The following ABCA12 variants were observed in gnomAD, a reference collection of about 807,000 sequenced individuals.
ABCA12 encodes glucosylceramide transporter ABCA12.
A neutral mutation model predicts 293.5 loss-of-function variants in ABCA12; 156 were observed. The ratio of observed to expected loss-of-function variants is 0.53; its 90% CI spans 0.47 to 0.61. The LOEUF is 0.61. ABCA12 is among the 20% of genes least tolerant of loss of function. ABCA12 has a pLI of 0.00. For missense variants in ABCA12, 2,797 were observed against 3,090.2 expected, an observed-to-expected ratio of 0.91 and a Z score of 2.25; for synonymous variants, 1,063 against 1,108.0, an observed-to-expected ratio of 0.96 and a Z score of 0.81.
intron 2 of ABCA12, among the ~76,000 whole-genome samples, chr2:215,072,836 C>T (rs1055407368): frequency 6.6e-6 from 1 of 152,214 alleles, no homozygotes; most frequent in Non-Finnish European, 1.5e-5. Flanking sequence ...GTGGCTCACG[C>T]CTGTAATCCC....
intron 1 of ABCA12, among the ~76,000 whole-genome samples, chr2:215,134,597 C>A (rs752351910): frequency 0.03 from 2,513 of 82,916 alleles, 349 homozygotes; most frequent in African/African-American, 0.17. Context: ...CTCTCTCTCT[C>A]TCTATATATA....
Position 214,932,561 on chromosome 2 carries a change from A to C in ABCA12, c.*73T>G. The C allele has an allele frequency of 1.9e-6, 2 of 1,067,912 alleles. No individual in the cohort carries two copies. The highest frequency in any genetic ancestry group is 2.9e-6 in the Non-Finnish European group (2 of 691,326). 66.2% of individuals were successfully genotyped at this position (1,067,912 alleles called of 1,614,324 possible). A position where few individuals can be genotyped will look rare whatever the true frequency, so the allele number is the denominator to read the frequency against. On this transcript the variant is annotated 3_prime_UTR_variant, in exon 53 of 53. Coordinates refer to ENST00000272895, the MANE Select transcript of ABCA12 (RefSeq NM_173076.3). ...ACTTTAAAATGAAGATATCTTGCGG[A>C]AGTGTATCTTCTGTGGCTTTTCTTC...
At chr2:214,961,058 AG>A (rs1313306400) in intron 39 of ABCA12, among the ~76,000 whole-genome samples, 1 of 152,108 alleles carries the variant, frequency 6.6e-6, no homozygotes, top group African/African-American at 2.4e-5. Flanking sequence ...AGTGTGTTAG[AG>A]GGAGGCAGTG....
intron 11 of ABCA12, chr2:215,023,126 T>C (rs1326477239): frequency 1.3e-5 from 2 of 152,190 alleles, no homozygotes; most frequent in African/African-American, 4.8e-5. Context: ...TAACTGATGG[T>C]CACAAGCATG....
chr2:215,030,997 C>T (rs2106029692), intron 9 of ABCA12, among the ~76,000 whole-genome samples: 1 of 152,252 alleles, frequency 6.6e-6, no homozygotes, highest in East Asian at 1.9e-4. Flanking sequence ...ACCTAACAGG[C>T]AGGCCATCTC....
chr2:215,134,009 C>T (rs1703118955), intron 1 of ABCA12, among the ~76,000 whole-genome samples: 1 of 151,852 alleles, frequency 6.6e-6, no homozygotes, highest in African/African-American at 2.4e-5. Context: ...AAAATTAAGT[C>T]AGTTAGATAT....
At chr2:215,017,805 G>C (rs6435868) in intron 14 of ABCA12, 2 of 639,006 alleles carry the variant, frequency 3.1e-6, no homozygotes, top group Admixed American at 6.0e-5. Context: ...AAAATAAAGA[G>C]AAAAGGGACA....
At chr2:214,974,113 A>T in intron 35 of ABCA12, 71 bp from the exon 36 acceptor site, 3 of 1,358,510 alleles carry the variant, frequency 2.2e-6, no homozygotes, top group Non-Finnish European at 3.2e-6. Flanking sequence ...ATGAGCATGT[A>T]AACAAGTATT....
chr2:214,953,910 GC>G lies in ABCA12; in HGVS notation c.6590del (p.Gly2197AlafsTer10). 1 of 1,613,940 alleles carries G rather than the reference GC, an allele frequency of 6.2e-7. No individual in the cohort carries two copies. ...AGAGTCGCAAGGAAAAAAACATGGTGCCCTGAGAAACCAAAGCCACAAACAT... is the reference window on the plus strand; with the variant it reads ...AGAGTCGCAAGGAAAAAAACATGGTGCCTGAGAAACCAAAGCCACAAACAT... ...GAMFVALVSQGTMFFSLRLLI... is the reference protein window; with the variant it reads ...GAMFVALVSQXTMFFSLRLLI... On this transcript the variant is annotated frameshift_variant, in exon 44 of 53. Coordinates refer to ENST00000272895, the MANE Select transcript of ABCA12 (RefSeq NM_173076.3). LOFTEE classifies it high-confidence loss of function.
At chr2:214,936,813 T>A (rs984607336) in intron 51 of ABCA12, among the ~76,000 whole-genome samples, 1 of 152,124 alleles carries the variant, frequency 6.6e-6, no homozygotes, top group African/African-American at 2.4e-5. Flanking sequence ...TGGGTTTTTT[T>A]AAGAAGAAAT....
chr2:215,052,260 A>G (rs1456550133), intron 5 of ABCA12, among the ~76,000 whole-genome samples: 1 of 152,108 alleles, frequency 6.6e-6, no homozygotes, highest in Middle Eastern at 3.2e-3. Flanking sequence ...TTTAAGTTCA[A>G]TTAAGGGACT....
At chr2:215,086,834 G>T (rs1202906979) in intron 2 of ABCA12, among the ~76,000 whole-genome samples, 7 of 152,110 alleles carry the variant, frequency 4.6e-5, no homozygotes, top group African/African-American at 1.7e-4. Flanking sequence ...AAACTGTGAG[G>T]CTTGTTTTCA....
intron 8 of ABCA12, 49 bp downstream of exon 8, chr2:215,036,904 A>T: frequency 1.3e-6 from 2 of 1,511,442 alleles, no homozygotes; most frequent in Non-Finnish European, 1.8e-6. Flanking sequence ...TATATTTCCA[A>T]TGGGCTTTGT....
rs764143414 is a variant in ABCA12, at chr2:214,990,669, T to C, written c.3624+33A>G. 2.5e-6 allele frequency: 4 copies of C among 1,604,820 alleles called. No individual in the cohort carries two copies. The African/African-American group carries it at 4.0e-5, about 16-fold the overall frequency. On this transcript the variant is annotated intron_variant, in intron 24 of 52. Transcript: ENST00000272895. ...CAAACAAACAAACAAAAATGGGTAA[T>C]TTCCCACTCTGCCATTCCAACGGTT...
At chr2:215,092,433 A>G (rs139967681) in intron 2 of ABCA12, among the ~76,000 whole-genome samples, 2,051 of 152,040 alleles carry the variant, frequency 0.013, 25 homozygotes, top group South Asian at 0.053. Context: ...CCCAACCCAA[A>G]GCCTCCTTCG....
chr2:215,111,499 CAAA>C (rs1375863575), intron 2 of ABCA12, 95 bp downstream of exon 2: 5 of 947,502 alleles, frequency 5.3e-6, no homozygotes, highest in African/African-American at 1.6e-5. Flanking sequence ...AAACACTATA[CAAA>C]AAAAAATTTT....
rs762700120 is a variant in ABCA12 at position 215,010,426 on chromosome 2, C to A, written c.2377G>T (p.Ala793Ser). The A allele has an allele frequency of 1.2e-6, 2 of 1,613,670 alleles. No homozygotes were observed. Among genetic ancestry groups the A allele is most frequent in the Non-Finnish European group, 1.7e-6 (2 of 1,179,752 alleles). ...AAGAAAGCCCAAATCACAGGTCCAG[C>A]GGGCATGTTAATGATGTCTTTATAA... ...SLYKDIINMPAGPVIWAFLKP... is the reference protein window; with the variant it reads ...SLYKDIINMPSGPVIWAFLKP... The change falls in exon 18 of 53, where the codon GCT (alanine) becomes TCT (serine). Residue 793 changes from alanine to serine, a missense_variant. Ala to Ser is a moderately conservative substitution (Grantham distance 99, BLOSUM62 1). Coordinates refer to ENST00000272895, the MANE Select transcript of ABCA12 (RefSeq NM_173076.3).
In ABCA12 at chr2:214,982,035, C is replaced by T. The variant is rs1412773284; in HGVS notation, c.4579+152G>A. 8.8e-6 allele frequency: 6 copies of T among 680,660 alleles called. No homozygotes were observed. The East Asian group carries it at 1.2e-4, about 14-fold the overall frequency. The allele number at this position is 680,660 out of a possible 1,614,324, so 42.2% of individuals were successfully genotyped here. A position where few individuals can be genotyped will look rare whatever the true frequency, so the allele number is the denominator to read the frequency against. On this transcript the variant is annotated intron_variant, in intron 30 of 52. Coordinates refer to ENST00000272895, the MANE Select transcript of ABCA12 (RefSeq NM_173076.3). The stretch of plus-strand genomic sequence containing the variant: ...CTATGTTACCCAGGCTGGTCTCAAA[C>T]TCCCAGGCTCAAGCAATCCTCCTGT...
intron 2 of ABCA12, among the ~76,000 whole-genome samples, chr2:215,068,632 C>A (rs551442779): frequency 6.6e-6 from 1 of 152,126 alleles, no homozygotes; most frequent in African/African-American, 2.4e-5. Flanking sequence ...AATTCTTTTT[C>A]CTCTACTTCT....
Sources: allele counts gnomAD v4.1 joint callset (sites outside exome capture counted in the v4.1 genomes callset), GRCh38; gene constraint gnomAD v4.1.1; transcripts MANE v1.5; gene names NCBI Gene and HGNC (gene_info 2026-07-23, HGNC 2026-07-21).